The following TMEM176A variants were observed in gnomAD, a reference collection of about 807,000 sequenced individuals.
The protein encoded by TMEM176A is hepatocellular carcinoma-associated antigen 112.
TMEM176A carries 20 observed loss-of-function variants against 27.9 expected under a neutral mutation model. The ratio of observed to expected loss-of-function variants is 0.72; its 90% CI spans 0.50 to 1.04. TMEM176A has a LOEUF of 1.04. TMEM176A is among the 50% of genes least tolerant of loss of function. The pLI, the probability that TMEM176A is intolerant of heterozygous loss-of-function variation, is 0.00. For missense variants in TMEM176A, 252 were observed against 289.1 expected (o/e 0.87, Z 0.93); for synonymous variants, 125 against 118.0 (o/e 1.06, Z -0.38).
At chr7:150,803,105 G>A (rs1387594208) in intron 3 of TMEM176A, 14 of 1,098,608 alleles carry the variant, frequency 1.3e-5, no homozygotes, top group Admixed American at 4.7e-5. Context: ...ACCATCCCTA[G>A]AACTTTCATA....
At chr7:150,800,919 A>AC (rs1798757915) in intron 1 of TMEM176A, 91 bp downstream of exon 1, 1 of 985,100 alleles carries the variant, frequency 1.0e-6, no homozygotes, top group East Asian at 1.1e-4. Context: ...CGTAGGAGGG[A>AC]CCCCCACCCA....
chr7:150,801,033 G>A, intron 1 of TMEM176A: 1 of 979,558 alleles, frequency 1.0e-6, no homozygotes, highest in Non-Finnish European at 1.2e-6. Context: ...CAGGGGCGGC[G>A]TGAACCCGTC....
intron 5 of TMEM176A, 48 bp downstream of exon 5, chr7:150,803,880 C>T (rs1277976711): frequency 6.4e-7 from 1 of 1,563,812 alleles, no homozygotes; most frequent in Non-Finnish European, 8.8e-7. Flanking sequence ...CAGGGATGGC[C>T]AGGCCAGGCC....
At chr7:150,803,912 C>A in intron 5 of TMEM176A, 80 bp downstream of exon 5, 1 of 1,335,594 alleles carries the variant, frequency 7.5e-7, no homozygotes, top group Non-Finnish European at 1.0e-6. Flanking sequence ...TCAGGTTCTC[C>A]ACCAGAAATA....
rs754467847 is a variant in TMEM176A at position 150,801,555 on chromosome 7, G to A, written c.5G>A (p.Gly2Glu). 5 of 1,596,314 alleles carry A rather than the reference G, an allele frequency of 3.1e-6. No individual in the cohort carries two copies. Among genetic ancestry groups the A allele is most frequent in the South Asian group, 1.1e-5 (1 of 88,040 alleles). The change falls in exon 2 of 7, where the codon GGA (glycine) becomes GAA (glutamate). Residue 2 changes from glycine to glutamate, a missense_variant. Coordinates refer to ENST00000004103, the MANE Select transcript of TMEM176A (RefSeq NM_018487.3). ...TCATAGACTGTGTCCCTGACAATGG[G>A]AACAGCCGACAGTGATGAGATGGCC... is the stretch of plus-strand genomic sequence containing the variant. MGTADSDEMAPE... is the reference protein window; with the variant it reads METADSDEMAPE...
Position 150,801,729 on chromosome 7 carries a change from G to A in TMEM176A, c.174+5G>A. On this transcript the variant is annotated splice_donor_5th_base_variant and intron_variant, in intron 2 of 6. Transcript: ENST00000004103. ...CGGCTGCTGGTGGCCTCGTGGGTGAGTGTGACGGCCTGCCTCGTCGGGCGG... is the reference window on the plus strand; with the variant it reads ...CGGCTGCTGGTGGCCTCGTGGGTGAATGTGACGGCCTGCCTCGTCGGGCGG... 6.6e-7 allele frequency: 1 copy of A among 1,512,344 alleles called. No individual in the cohort carries two copies. The highest frequency in any genetic ancestry group is 8.8e-7 in the Non-Finnish European group (1 of 1,140,456). 93.7% of individuals were successfully genotyped at this position (1,512,344 alleles called of 1,614,324 possible).
Position 150,803,471 on chromosome 7 carries a change from G to C in TMEM176A, c.342+15G>C. The C allele has an allele frequency of 6.3e-7, 1 of 1,585,212 alleles. No homozygotes were observed. Among genetic ancestry groups the C allele is most frequent in the Non-Finnish European group, 8.6e-7 (1 of 1,166,514 alleles). On this transcript the variant is annotated intron_variant, in intron 4 of 6. Transcript: ENST00000004103. ...GTACATACTGGGTAAGTTCAGGGAA[G>C]GGCATGGGAGGGGACCAGGTTCAGG...
rs963640272 is a variant in TMEM176A, at chr7:150,802,384, G to C, written c.285+59G>C. 3.5e-5 allele frequency: 51 copies of C among 1,449,828 alleles called. No homozygotes were observed. In the African/African-American group the frequency reaches 7.0e-4, roughly 20 times the overall value. 89.8% of individuals were successfully genotyped at this position (1,449,828 alleles called of 1,614,324 possible). A position where few individuals can be genotyped will look rare whatever the true frequency, so the allele number is the denominator to read the frequency against. On this transcript the variant is annotated intron_variant, in intron 3 of 6. Transcript: ENST00000004103. Reference sequence around the variant, plus strand: ...GAGAGGGGTGGGGCATTGCTCTCCTGATTGCCTTCCTCCAACATGGCGCCA... The same window carrying C: ...GAGAGGGGTGGGGCATTGCTCTCCTCATTGCCTTCCTCCAACATGGCGCCA...
intron 5 of TMEM176A, 115 bp from the exon 6 acceptor site, chr7:150,804,247 C>T: frequency 1.3e-6 from 1 of 797,040 alleles, no homozygotes; most frequent in Non-Finnish European, 2.1e-6. Context: ...CCTCCAGAAG[C>T]CACGAACTTG....
At chr7:150,802,076 T>TTCTTCTC (rs1554407172) in intron 2 of TMEM176A, 139 bp from the exon 3 acceptor site, 5 of 579,030 alleles carry the variant, frequency 8.6e-6, no homozygotes, top group Non-Finnish European at 1.5e-5. Flanking sequence ...TTCTTCTCCT[T>TTCTTCTC]TTCTCTTCTC....
chr7:150,801,323 G>T, intron 1 of TMEM176A: 1 of 491,136 alleles, frequency 2.0e-6, no homozygotes, highest in Non-Finnish European at 3.5e-6. Context: ...GGAGGTTCCC[G>T]CAGGCTCTGT....
rs1798868132 is a variant in TMEM176A at position 150,803,798 on chromosome 7, T to A, written c.521T>A (p.Leu174Gln). Residue 174 changes from leucine (L) to glutamine (Q), a missense_variant, in exon 5 of 7, where the codon CTA (leucine) becomes CAA (glutamine). Leu to Gln is a moderately radical substitution (Grantham distance 113). Coordinates refer to ENST00000004103, the MANE Select transcript of TMEM176A (RefSeq NM_018487.3). Reference protein sequence around the residue: ...PTQSPEEVRRLHLCTSFMDML... With the variant: ...PTQSPEEVRRQHLCTSFMDML... ...CAGAGTCCAGAAGAAGTCAGAAGGC[T>A]ACACCTATGTACCTCCTTCATGGAC... is the stretch of plus-strand genomic sequence containing the variant. The A allele has an allele frequency of 6.2e-7, 1 of 1,614,122 alleles. No individual in the cohort carries two copies. Among genetic ancestry groups the A allele is most frequent in the Non-Finnish European group, 8.5e-7 (1 of 1,180,030 alleles).
At chr7:150,803,254 C>T in intron 3 of TMEM176A, 146 bp from the exon 4 acceptor site, 1 of 1,386,392 alleles carries the variant, frequency 7.2e-7, no homozygotes, top group Non-Finnish European at 9.4e-7. Flanking sequence ...ACCCTCTCAG[C>T]AATTATCTTA....
chr7:150,800,870 C>T (rs1248442315), intron 1 of TMEM176A, 42 bp downstream of exon 1: 7 of 980,070 alleles, frequency 7.1e-6, no homozygotes, highest in Non-Finnish European at 8.5e-6. Context: ...GGGCCTCCTT[C>T]CGCACGCACC....
intron 3 of TMEM176A, 85 bp from the exon 4 acceptor site, chr7:150,803,315 G>A (rs1171493333): frequency 6.7e-7 from 1 of 1,488,334 alleles, no homozygotes; most frequent in African/African-American, 1.4e-5. Flanking sequence ...CTGTGTGCTG[G>A]GGAAGGGCCT....
chr7:150,804,317 G>T, intron 5 of TMEM176A, 45 bp from the exon 6 acceptor site: 1 of 1,451,968 alleles, frequency 6.9e-7, no homozygotes, highest in Non-Finnish European at 9.7e-7. Flanking sequence ...GAGCAGGAAG[G>T]CAGCTGTCAT....
intron 6 of TMEM176A, 79 bp downstream of exon 6, chr7:150,804,551 T>C: frequency 2.3e-6 from 3 of 1,300,948 alleles, no homozygotes; most frequent in East Asian, 2.3e-5. Context: ...AGTGGACAGT[T>C]TGGGGAGGAG....
intron 6 of TMEM176A, 29 bp from the exon 7 acceptor site, chr7:150,804,798 C>G (rs201144318): frequency 1.9e-6 from 3 of 1,613,786 alleles, no homozygotes; most frequent in Admixed American, 1.7e-5. Flanking sequence ...CTCCCACTCA[C>G]GATTGTCTTG....
At chr7:150,803,257 T>C in intron 3 of TMEM176A, 143 bp from the exon 4 acceptor site, 6 of 1,385,870 alleles carry the variant, frequency 4.3e-6, no homozygotes, top group Non-Finnish European at 4.7e-6. Context: ...CTCTCAGCAA[T>C]TATCTTACCA....
Sources: allele counts gnomAD v4.1 joint callset, GRCh38; gene constraint gnomAD v4.1.1; transcripts MANE v1.5; gene names NCBI Gene and HGNC (gene_info 2026-07-23, HGNC 2026-07-21).